The following ALDH4A1 variants were observed in gnomAD, a reference collection of about 807,000 sequenced individuals.
ALDH4A1 encodes the protein aldehyde dehydrogenase 4 family member A1, also known as delta-1-pyrroline-5-carboxylate dehydrogenase, mitochondrial.
A neutral mutation model predicts 70.5 loss-of-function variants in ALDH4A1; 46 were observed. The ratio of observed to expected loss-of-function variants is 0.65; its 90% CI spans 0.51 to 0.83. The LOEUF (loss-of-function observed/expected upper bound fraction) is 0.83, where lower values mean the gene tolerates loss of function less well. Ranked by LOEUF, ALDH4A1 falls within the 40% of genes least tolerant of loss-of-function variation. The pLI is 0.00. For synonymous variants in ALDH4A1, 323 were observed against 324.3 expected (o/e 1.00, Z 0.04); for missense variants, 749 against 766.5 (o/e 0.98, Z 0.27).
At chr1:18,876,661 C>CTGTGTGTGTTTGTGTGTGTGTGTG (rs1553153210) in intron 11 of ALDH4A1, among the ~76,000 whole-genome samples, 194 bp from the exon 12 acceptor site, 1 of 146,732 alleles carries the variant, frequency 6.8e-6, no homozygotes, top group Non-Finnish European at 1.5e-5. Context: ...GACATGAACA[C>CTGTGTGTGTTTGTGTGTGTGTGTG]TGTGTGTGTG....
chr1:18,896,086 C>T (rs943208767), intron 1 of ALDH4A1, among the ~76,000 whole-genome samples: 1 of 152,188 alleles, frequency 6.6e-6, no homozygotes, highest in Non-Finnish European at 1.5e-5. Context: ...GGTCCAACCT[C>T]ACATAGCCGG....
chr1:18,881,556 T>A, intron 8 of ALDH4A1, 144 bp downstream of exon 8: 1 of 798,550 alleles, frequency 1.3e-6, no homozygotes, highest in Non-Finnish European at 2.1e-6. Context: ...AGAGGTGAAG[T>A]GGCTCACTCA....
At chr1:18,882,806 C>T (rs1309462066) in intron 7 of ALDH4A1, 8 of 596,474 alleles carry the variant, frequency 1.3e-5, no homozygotes, top group Non-Finnish European at 2.5e-5. Context: ...CCAGCCCTGC[C>T]TGCTGCTGGA....
chr1:18,896,549 A>G (rs1935622467), intron 1 of ALDH4A1, among the ~76,000 whole-genome samples: 1 of 152,214 alleles, frequency 6.6e-6, no homozygotes, highest in Admixed American at 6.5e-5. Context: ...ACATAAAGGC[A>G]ACACTAGGTG....
chr1:18,874,357 C>A, intron 14 of ALDH4A1, 106 bp downstream of exon 14: 2 of 1,082,798 alleles, frequency 1.8e-6, no homozygotes, highest in Non-Finnish European at 2.8e-6. Flanking sequence ...ACAATAAGTG[C>A]TCAGTAAATG....
intron 1 of ALDH4A1, 72 bp from the exon 2 acceptor site, chr1:18,890,177 A>G: frequency 7.6e-7 from 1 of 1,312,128 alleles, no homozygotes; most frequent in East Asian, 2.5e-5. Flanking sequence ...CAGCCCCTCT[A>G]CCTCCGACAG....
chr1:18,899,567 G>A lies in ALDH4A1; in HGVS notation c.62+2895C>T, dbSNP rs147486623. On this transcript the variant is annotated intron_variant, in intron 1 of 14. Transcript: ENST00000375341. ...AAACAGGAAGTCAGGGTTAAAGGAG[G>A]AAAGAGACAGTCAGTTGGGAGGCCT... Among the ~76,000 whole-genome samples the A allele has an allele frequency of 2.4e-3, 361 of 152,352 alleles. 5 individuals carry two copies. Among genetic ancestry groups the A allele is most frequent in the African/African-American group, 8.4e-3 (349 of 41,584 alleles).
intron 1 of ALDH4A1, among the ~76,000 whole-genome samples, chr1:18,893,966 G>A (rs573470006): frequency 3.3e-5 from 5 of 152,298 alleles, no homozygotes; most frequent in South Asian, 2.1e-4. Flanking sequence ...TTCTGAGCTC[G>A]AATAAACTAC....
intron 12 of ALDH4A1, among the ~76,000 whole-genome samples, chr1:18,875,886 G>A (rs548726947): frequency 6.6e-6 from 1 of 152,290 alleles, no homozygotes; most frequent in South Asian, 2.1e-4. Flanking sequence ...GGGCTGGGGG[G>A]AAGATCTTCT....
At chr1:18,875,331 A>G (rs191570928) in intron 13 of ALDH4A1, 51 bp downstream of exon 13, 6 of 1,613,318 alleles carry the variant, frequency 3.7e-6, no homozygotes, top group East Asian at 2.2e-5. Context: ...GGATGGGGAC[A>G]CGGACAGGAC....
At chr1:18,887,956 G>A (rs1935282254) in intron 3 of ALDH4A1, among the ~76,000 whole-genome samples, 2 of 152,224 alleles carry the variant, frequency 1.3e-5, no homozygotes, top group Non-Finnish European at 2.9e-5. Context: ...CAATGAAGCA[G>A]GGAGAAATTT....
At chr1:18,887,974 T>C (rs565958631) in intron 3 of ALDH4A1, among the ~76,000 whole-genome samples, 6 of 152,342 alleles carry the variant, frequency 3.9e-5, no homozygotes, top group African/African-American at 1.4e-4. Flanking sequence ...TTTCACTTCT[T>C]TCCTTCCTAG....
intron 1 of ALDH4A1, 117 bp from the exon 2 acceptor site, chr1:18,890,222 A>T: frequency 1.2e-6 from 1 of 843,082 alleles, no homozygotes; most frequent in East Asian, 2.7e-5. Context: ...CCTGAAATCC[A>T]ATGCAACTAG....
chr1:18,889,825 T>C (rs904984147), intron 2 of ALDH4A1, among the ~76,000 whole-genome samples, 187 bp downstream of exon 2: 10 of 152,342 alleles, frequency 6.6e-5, no homozygotes, highest in Admixed American at 2.0e-4. Context: ...AGCTCCAGGC[T>C]GCCACCTTGG....
At position 18,883,144 on chromosome 1, in the gene ALDH4A1, C is replaced by G. The variant is rs778113718; in HGVS notation, c.658G>C (p.Ala220Pro). 21 of 1,613,076 alleles carry G rather than the reference C, an allele frequency of 1.3e-5. No individual in the cohort carries two copies. The South Asian group carries it at 2.1e-4, about 16-fold the overall frequency. The stretch of plus-strand genomic sequence containing the variant: ...CTCACCATCAGGGCCGGTGCCCCCG[C>G]CAGGTTGCCGCCGATTGCAGTGAAG... ...FNFTAIGGNL[A>P]GAPALMGNVV... Residue 220 changes from alanine (A) to proline (P), a missense_variant, in exon 7 of 15, where the codon GCG becomes CCG. Ala to Pro is a conservative substitution (Grantham distance 27). Coordinates refer to ENST00000375341, the MANE Select transcript of ALDH4A1 (RefSeq NM_003748.4).
rs1557623949 is a variant in ALDH4A1, at chr1:18,890,006, C to T, written c.156+6G>A. 1 of 1,602,342 alleles carries T rather than the reference C, an allele frequency of 6.2e-7. No homozygotes were observed. The highest frequency in any genetic ancestry group is 1.7e-5 in the Admixed American group (1 of 58,904). On this transcript the variant is annotated splice_donor_region_variant and intron_variant, in intron 2 of 14. Coordinates refer to ENST00000375341, the MANE Select transcript of ALDH4A1 (RefSeq NM_003748.4). The stretch of plus-strand genomic sequence containing the variant: ...ACCTCTCGGGTGCCTCCCACCCTCC[C>T]ATTACCTTTTGCAGGGCATCTCGCT...
rs554256350 is a variant in ALDH4A1 at position 18,873,410 on chromosome 1, CAT to C, written c.1580-455_1580-454del. ...TCATAACAAGCCCCTTCTAATCACA[CAT>C]GAGTTTATGCTAATGAGGGCTCTTG... On this transcript the variant is annotated intron_variant, in intron 14 of 14. Transcript: ENST00000375341. 3.2e-3 allele frequency among the ~76,000 whole-genome samples: 486 copies of C among 152,290 alleles called. 4 individuals carry two copies. Among genetic ancestry groups the C allele is most frequent in the African/African-American group, 0.01 (434 of 41,550 alleles).
At chr1:18,888,348 G>A (rs769375274) in intron 3 of ALDH4A1, among the ~76,000 whole-genome samples, 20 of 152,154 alleles carry the variant, frequency 1.3e-4, no homozygotes, top group Non-Finnish European at 2.5e-4. Context: ...GCAGAACCCC[G>A]TCAGCACTAT....
At chr1:18,885,431 A>AACCCCCCCCCCC in intron 5 of ALDH4A1, 42 bp downstream of exon 5, 3 of 478,976 alleles carry the variant, frequency 6.3e-6, no homozygotes, top group Non-Finnish European at 7.0e-6. Context: ...CCTGACTCCC[A>AACCCCCCCCCCC]CCCCACCCCG....
Sources: gnomAD v4.1 joint callset for allele counts (sites outside exome capture counted in the v4.1 genomes callset) on GRCh38, gnomAD v4.1.1 for gene constraint, MANE v1.5 for transcripts, NCBI Gene and HGNC (gene_info 2026-07-23, HGNC 2026-07-21) for gene names.